MYH10: variants seen among roughly 807,000 people sequenced by gnomAD.
MYH10 encodes myosin-10.
Under a neutral mutation model 257.8 loss-of-function variants are expected in MYH10, and 55 were observed. The observed-to-expected ratio is 0.21, with a 90% confidence interval of 0.17 to 0.27. The LOEUF is 0.27. Among genes scored for constraint, MYH10 ranks in the 10% least tolerant of loss-of-function variants. The probability of loss-of-function intolerance (pLI) is 1.00; values close to 1 mark genes in which losing one functional copy is unlikely to be tolerated. For missense variants in MYH10, 1,631 were observed against 2,500.6 expected (o/e 0.65, Z 7.42); for synonymous variants, 854 against 921.7 (o/e 0.93, Z 1.33).
chr17:8,516,981 A>G (rs2151893818), intron 21 of MYH10, among the ~76,000 whole-genome samples: 1 of 152,054 alleles, frequency 6.6e-6, no homozygotes, highest in African/African-American at 2.4e-5. Context: ...TACTAAAAAA[A>G]ATACAAAAAA....
Position 8,552,156 on chromosome 17 carries a change from C to T in MYH10, c.821-12G>A. The T allele has an allele frequency of 7.0e-7, 1 of 1,436,734 alleles. No individual in the cohort carries two copies. The highest frequency in any genetic ancestry group is 9.4e-7 in the Non-Finnish European group (1 of 1,059,360). The allele number at this position is 1,436,734 out of a possible 1,614,324, so 89.0% of individuals were successfully genotyped here. A position where few individuals can be genotyped will look rare whatever the true frequency, so the allele number is the denominator to read the frequency against. ...CTTTTCCAGAAGGTCTGAGCAAAGACAGTTAAGAATTAAATTATTTAATAT... is the reference window on the plus strand; with the variant it reads ...CTTTTCCAGAAGGTCTGAGCAAAGATAGTTAAGAATTAAATTATTTAATAT... On this transcript the variant is annotated splice_polypyrimidine_tract_variant and intron_variant, in intron 8 of 42. Coordinates refer to ENST00000360416, the MANE Select transcript of MYH10 (RefSeq NM_001256012.3). The surrounding 1 kb of genome is among the most constrained non-coding windows in gnomAD (Gnocchi z 4.8).
chr17:8,619,117 T>A (rs1272112907), intron 2 of MYH10, among the ~76,000 whole-genome samples: 1 of 152,244 alleles, frequency 6.6e-6, no homozygotes, highest in East Asian at 1.9e-4. Context: ...TACATTGATA[T>A]GCATCAAAAG....
chr17:8,529,363 G>A (rs2081951400), intron 17 of MYH10, among the ~76,000 whole-genome samples: 1 of 152,210 alleles, frequency 6.6e-6, no homozygotes, highest in African/African-American at 2.4e-5. Flanking sequence ...ATTCTCTTAT[G>A]AGGTTAGAAA....
intron 9 of MYH10, among the ~76,000 whole-genome samples, chr17:8,550,417 G>T (rs1597804377): frequency 6.6e-6 from 1 of 150,808 alleles, no homozygotes; most frequent in South Asian, 2.1e-4. Context: ...CTGCCCGGCC[G>T]CCCCGTCTGA....
chr17:8,493,067 T>C (rs760846011), intron 32 of MYH10, 43 bp from the exon 33 acceptor site: 1 of 1,589,854 alleles, frequency 6.3e-7, no homozygotes, highest in South Asian at 1.1e-5. Flanking sequence ...AGTATTAATG[T>C]ACTCAATTGG....
chr17:8,524,472 A>G (rs2081770805), intron 17 of MYH10, among the ~76,000 whole-genome samples: 2 of 107,194 alleles, frequency 1.9e-5, no homozygotes, highest in African/African-American at 4.0e-5. Context: ...AAAAAAAAAA[A>G]AAAAAAAAAA....
At chr17:8,494,168 G>A (rs1011336883) in intron 31 of MYH10, among the ~76,000 whole-genome samples, 7 of 151,452 alleles carry the variant, frequency 4.6e-5, no homozygotes, top group Admixed American at 1.3e-4. Flanking sequence ...CCCCTCCTGC[G>A]TCCCCCACCA....
Position 8,554,014 on chromosome 17 carries a change from T to C in MYH10, c.761A>G (p.Lys254Arg). ...TACATCAAAGTTGATCCGAATAAAT[T>C]TGCCCTGAAAATAAATTAAAAAGAG... The part of the protein sequence containing the change: ...VKNDNSSRFG[K>R]FIRINFDVTG... Residue 254 changes from lysine (K) to arginine (R), a missense_variant, in exon 8 of 43, where the codon AAA becomes AGA. Physicochemically the swap from Lys to Arg is conservative, Grantham distance 26. This residue lies in a region of MYH10 where 360 missense variants were observed against 581.9 expected (regional missense o/e 0.62). Coordinates refer to ENST00000360416, the MANE Select transcript of MYH10 (RefSeq NM_001256012.3). The C allele has an allele frequency of 6.2e-7, 1 of 1,612,436 alleles. No homozygotes were observed. The highest frequency in any genetic ancestry group is 8.5e-7 in the Non-Finnish European group (1 of 1,178,908).
intron 2 of MYH10, among the ~76,000 whole-genome samples, chr17:8,614,153 C>T (rs1239637313): frequency 1.3e-5 from 2 of 151,896 alleles, no homozygotes; most frequent in African/African-American, 4.8e-5. Flanking sequence ...AACCCTTTAC[C>T]AAATTAATCA....
Position 8,520,866 on chromosome 17 carries a change from A to T in MYH10, c.2273+12T>A. ...CTGATACATAAGCAAAAAAAGTAAAAGTTAGCAATACCTCTGTCTGAATTC... is the reference window on the plus strand; with the variant it reads ...CTGATACATAAGCAAAAAAAGTAAATGTTAGCAATACCTCTGTCTGAATTC... On this transcript the variant is annotated intron_variant, in intron 19 of 42. Coordinates refer to ENST00000360416, the MANE Select transcript of MYH10 (RefSeq NM_001256012.3). 3.1e-6 allele frequency: 5 copies of T among 1,587,820 alleles called. No individual in the cohort carries two copies. Among genetic ancestry groups the T allele is most frequent in the Non-Finnish European group, 4.3e-6 (5 of 1,170,890 alleles).
At chr17:8,489,739 A>ACACACACACACACACC (rs1401430644) in intron 35 of MYH10, among the ~76,000 whole-genome samples, 2 of 151,260 alleles carry the variant, frequency 1.3e-5, no homozygotes, top group African/African-American at 4.9e-5. Flanking sequence ...ACACACACAC[A>ACACACACACACACACC]CACACACCCC....
Position 8,604,888 on chromosome 17 carries a change from C to G in MYH10, c.440G>C (p.Arg147Pro). Residue 147 changes from arginine (R) to proline (P), a missense_variant, in exon 3 of 43, where the codon CGT (arginine) becomes CCT (proline). Physicochemically the swap from Arg to Pro is moderately radical, Grantham distance 103. Around this residue, in one of 11 missense-constraint regions of MYH10, gnomAD observed 360 missense variants for 581.9 expected, o/e 0.62. Coordinates refer to ENST00000360416, the MANE Select transcript of MYH10 (RefSeq NM_001256012.3). ...NIIEMYRGKK[R>P]HEMPPHIYAI... ...ATAGATGTGTGGAGGCATCTCATGA[C>G]GCTTCTTCCCTCTGTACATTTCAAT... The G allele has an allele frequency of 6.2e-7, 1 of 1,606,796 alleles. No homozygotes were observed. Among genetic ancestry groups the G allele is most frequent in the South Asian group, 1.1e-5 (1 of 90,100 alleles).
intron 42 of MYH10, 129 bp from the exon 43 acceptor site, chr17:8,476,077 G>C: frequency 1.8e-6 from 2 of 1,099,942 alleles, no homozygotes; most frequent in Non-Finnish European, 2.5e-6. Context: ...ACCTTGTGGG[G>C]GTGGCGGTAC....
chr17:8,627,572 G>C (rs1598016050), intron 1 of MYH10, among the ~76,000 whole-genome samples: 1 of 152,168 alleles, frequency 6.6e-6, no homozygotes, highest in Admixed American at 6.5e-5. Flanking sequence ...TTACCTGATA[G>C]AGTTCATGAG....
intron 2 of MYH10, among the ~76,000 whole-genome samples, chr17:8,609,770 G>A (rs1255466293): frequency 6.6e-6 from 1 of 151,416 alleles, no homozygotes; most frequent in African/African-American, 2.4e-5. Context: ...ATAGAACAAT[G>A]GTAAAATAAT....
At chr17:8,620,533 C>G (rs2085425151) in intron 2 of MYH10, among the ~76,000 whole-genome samples, 1 of 151,958 alleles carries the variant, frequency 6.6e-6, no homozygotes, top group Non-Finnish European at 1.5e-5. Context: ...ATAACTAAAC[C>G]TGTTAGCAAG....
chr17:8,524,403 T>C (rs926284455), intron 17 of MYH10, among the ~76,000 whole-genome samples: 7 of 126,972 alleles, frequency 5.5e-5, no homozygotes, highest in Non-Finnish European at 1.1e-4. Context: ...TAAGCTGAGA[T>C]CATGCCACTG....
intron 29 of MYH10, 103 bp from the exon 30 acceptor site, chr17:8,499,579 T>C (rs1917197194): frequency 1.0e-6 from 1 of 981,772 alleles, no homozygotes; most frequent in African/African-American, 1.6e-5. Context: ...ACACAGTGAG[T>C]CTGTAGTCAA....
intron 2 of MYH10, 151 bp from the exon 3 acceptor site, chr17:8,605,133 T>A: frequency 4.4e-6 from 2 of 456,842 alleles, no homozygotes; most frequent in Admixed American, 8.1e-5. Context: ...ACTTAGCCTA[T>A]AATGGGCAAT....
Sources: allele counts gnomAD v4.1 joint callset (sites outside exome capture counted in the v4.1 genomes callset), GRCh38; gene constraint gnomAD v4.1.1; regional missense constraint gnomAD v4.1.1; non-coding constraint Gnocchi (gnomAD v3.1); transcripts MANE v1.5; gene names NCBI Gene and HGNC (gene_info 2026-07-23, HGNC 2026-07-21).